Variants in RNF180 observed in about 807,000 individuals in gnomAD.
RNF180 encodes ring finger protein 180.
RNF180 carries 38 observed loss-of-function variants against 59.2 expected under a neutral mutation model. That is an observed-to-expected ratio of 0.64 (90% CI 0.50 to 0.84). The LOEUF is 0.84. Among genes scored for constraint, RNF180 ranks in the 40% least tolerant of loss-of-function variants. The pLI, the probability that RNF180 is intolerant of heterozygous loss-of-function variation, is 0.00. For synonymous variants in RNF180, 262 were observed against 240.3 expected (o/e 1.09, Z -0.84); for missense variants, 705 against 700.9 (o/e 1.01, Z -0.07).
intron 7 of RNF180, among the ~76,000 whole-genome samples, chr5:64,331,460 G>T (rs182799520): frequency 5.9e-4 from 90 of 152,242 alleles, no homozygotes; most frequent in African/African-American, 2.1e-3. Flanking sequence ...TAAAAACCCT[G>T]GACTCAGCCA....
intron 5 of RNF180, among the ~76,000 whole-genome samples, chr5:64,318,773 T>C (rs902374648): frequency 5.3e-5 from 8 of 152,178 alleles, no homozygotes; most frequent in African/African-American, 1.9e-4. Flanking sequence ...CTCAGGAATT[T>C]CTAGGCAGTA....
chr5:64,217,689 C>G, intron 5 of RNF180: 1 of 250,584 alleles, frequency 4.0e-6, no homozygotes, highest in Non-Finnish European at 7.0e-6. Context: ...CAGCTTATGT[C>G]TATAATCCCA....
At chr5:64,222,239 T>G (rs532627626) in intron 5 of RNF180, among the ~76,000 whole-genome samples, 6 of 152,330 alleles carry the variant, frequency 3.9e-5, no homozygotes, top group African/African-American at 1.4e-4. Flanking sequence ...TATTTGATGA[T>G]TCACTAAGAG....
At chr5:64,340,548 G>A (rs929331487) in intron 7 of RNF180, among the ~76,000 whole-genome samples, 1 of 152,180 alleles carries the variant, frequency 6.6e-6, no homozygotes, top group Non-Finnish European at 1.5e-5. Context: ...TGAATATAAC[G>A]CAGAAATCCA....
chr5:64,176,903 C>G (rs1203077250), intron 1 of RNF180, among the ~76,000 whole-genome samples: 3 of 152,100 alleles, frequency 2.0e-5, no homozygotes, highest in Admixed American at 6.6e-5. Flanking sequence ...AGTATGGACA[C>G]ATATTTTGGG....
intron 1 of RNF180, among the ~76,000 whole-genome samples, chr5:64,168,633 A>ATGT (rs1163826250): frequency 2.0e-5 from 3 of 152,204 alleles, no homozygotes; most frequent in Admixed American, 2.0e-4. Flanking sequence ...AGAAGTTTGA[A>ATGT]TGTCACATAA....
chr5:64,176,167 A>ATGT (rs1750220317), intron 1 of RNF180, among the ~76,000 whole-genome samples: 1 of 152,112 alleles, frequency 6.6e-6, no homozygotes, highest in Admixed American at 6.5e-5. Flanking sequence ...ATTGGTCTTA[A>ATGT]TGTAAAGGTT....
chr5:64,217,399 A>G lies in RNF180; in HGVS notation c.1227+3A>G, dbSNP rs1752687850. The G allele has an allele frequency of 7.1e-7, 1 of 1,410,978 alleles. No individual in the cohort carries two copies. The allele number at this position is 1,410,978 out of a possible 1,614,324, so 87.4% of individuals were successfully genotyped here. A position where few individuals can be genotyped will look rare whatever the true frequency, so the allele number is the denominator to read the frequency against. On this transcript the variant is annotated splice_donor_region_variant and intron_variant, in intron 5 of 7. Transcript: ENST00000389100. ...GAGTGGGATTGCTGGATCATATGGT[A>G]AGTATATATTTACTTATATGAGAAA...
intron 6 of RNF180, among the ~76,000 whole-genome samples, chr5:64,326,469 T>C (rs1744649982): frequency 6.6e-6 from 1 of 152,190 alleles, no homozygotes; most frequent in South Asian, 2.1e-4. Flanking sequence ...AAAGAAATTT[T>C]GTTTTTTGTT....
chr5:64,185,623 T>C lies in RNF180; in HGVS notation c.1-15185T>C, dbSNP rs540582802. 1.4e-4 allele frequency among the ~76,000 whole-genome samples: 21 copies of C among 152,342 alleles called. No homozygotes were observed. The South Asian group carries it at 3.9e-3, about 29-fold the overall frequency. On this transcript the variant is annotated intron_variant, in intron 1 of 7. Coordinates refer to ENST00000389100, the MANE Select transcript of RNF180 (RefSeq NM_001113561.2). ...TAAAGAATGTGGTTTATACCTGATA[T>C]GTTTGGATTTCCTTTCAATGCCCAA...
At chr5:64,314,048 A>G (rs1743916642) in intron 5 of RNF180, among the ~76,000 whole-genome samples, 1 of 151,830 alleles carries the variant, frequency 6.6e-6, no homozygotes, top group Non-Finnish European at 1.5e-5. Flanking sequence ...TGCATATTAA[A>G]CCTTTGCTGG....
At chr5:64,189,724 A>G (rs1751042456) in intron 1 of RNF180, among the ~76,000 whole-genome samples, 2 of 152,354 alleles carry the variant, frequency 1.3e-5, no homozygotes, top group East Asian at 1.9e-4. Context: ...TTTATATTGC[A>G]TAATAAATAC....
rs1190516754 is a variant in RNF180 at position 64,221,057 on chromosome 5, G to A, written c.1227+3661G>A. On this transcript the variant is annotated intron_variant, in intron 5 of 7. Coordinates refer to ENST00000389100, the MANE Select transcript of RNF180 (RefSeq NM_001113561.2). ...TTTCATTTTCATGGATCTGCATATA[G>A]AGATCATTTTGAAATTTTTACAGTT... is the stretch of plus-strand genomic sequence containing the variant. Among the ~76,000 whole-genome samples the A allele has an allele frequency of 2.6e-5, 4 of 151,954 alleles. No homozygotes were observed. The East Asian group carries it at 7.7e-4, about 29-fold the overall frequency.
At chr5:64,248,835 CA>C (rs1743363938) in intron 5 of RNF180, among the ~76,000 whole-genome samples, 1 of 152,164 alleles carries the variant, frequency 6.6e-6, no homozygotes, top group Non-Finnish European at 1.5e-5. Context: ...TTCACTATAG[CA>C]AAGACTTGGA....
chr5:64,326,123 C>T (rs1054389149), intron 6 of RNF180, among the ~76,000 whole-genome samples: 1 of 151,992 alleles, frequency 6.6e-6, no homozygotes, highest in Non-Finnish European at 1.5e-5. Context: ...TGAGTATGTA[C>T]TACATTAATA....
chr5:64,178,983 A>G (rs1160023925), intron 1 of RNF180, among the ~76,000 whole-genome samples: 3 of 152,228 alleles, frequency 2.0e-5, no homozygotes, highest in South Asian at 4.1e-4. Flanking sequence ...CAGATGCACA[A>G]TAAATGAGAA....
chr5:64,270,116 T>G (rs1340677924), intron 5 of RNF180, among the ~76,000 whole-genome samples: 1 of 152,114 alleles, frequency 6.6e-6, no homozygotes, highest in Non-Finnish European at 1.5e-5. Flanking sequence ...TAATATCTTT[T>G]CATAGAATAT....
intron 5 of RNF180, among the ~76,000 whole-genome samples, chr5:64,236,146 T>C (rs1742431193): frequency 6.6e-6 from 1 of 152,210 alleles, no homozygotes; most frequent in Non-Finnish European, 1.5e-5. Context: ...TCCTAGAGCC[T>C]TGTTGAATGG....
At chr5:64,293,943 A>T (rs1742740960) in intron 5 of RNF180, among the ~76,000 whole-genome samples, 1 of 152,180 alleles carries the variant, frequency 6.6e-6, no homozygotes, top group South Asian at 2.1e-4. Context: ...TCTTATTATC[A>T]TGCATAGTCA....
Sources: allele counts gnomAD v4.1 joint callset (sites outside exome capture counted in the v4.1 genomes callset), GRCh38; gene constraint gnomAD v4.1.1; transcripts MANE v1.5; gene names NCBI Gene and HGNC (gene_info 2026-07-23, HGNC 2026-07-21).